Variants in FAM83A observed in about 807,000 individuals in gnomAD.
FAM83A encodes protein FAM83A.
In FAM83A, 21 loss-of-function variants were observed where a neutral mutation model predicts 24.4. The observed-to-expected ratio is 0.86, with a 90% CI of 0.61 to 1.24. The LOEUF is 1.24. Ranked by LOEUF, FAM83A falls within the 50% of genes most tolerant of loss-of-function variation. The probability of loss-of-function intolerance (pLI) is 0.00; values close to 1 mark genes in which losing one functional copy is unlikely to be tolerated. For synonymous variants in FAM83A, 270 were observed against 252.4 expected (o/e 1.07, Z -0.66); for missense variants, 617 against 579.8 (o/e 1.06, Z -0.66).
chr8:123,184,782 CCTCT>C (rs1462505878), intron 1 of FAM83A, among the ~76,000 whole-genome samples: 1 of 152,316 alleles, frequency 6.6e-6, no homozygotes, highest in Admixed American at 6.5e-5. Flanking sequence ...TCTGTAAAAT[CCTCT>C]CTGTCTCCCT....
chr8:123,191,938 G>A (rs746096118), exon 2 of FAM83A: 2 of 1,614,168 alleles, frequency 1.2e-6, no homozygotes, highest in Non-Finnish European at 1.7e-6. Flanking sequence ...GGAGATGTGT[G>A]ACAAAGTCCA....
At chr8:123,202,263 T>C (rs567603190) in intron 3 of FAM83A, 1 of 152,986 alleles carries the variant, frequency 6.5e-6, no homozygotes, top group East Asian at 1.9e-4. Flanking sequence ...GGAGCCACAC[T>C]GGCCGCTTCC....
chr8:123,198,195 A>T (rs554691232), intron 3 of FAM83A, among the ~76,000 whole-genome samples: 38 of 152,176 alleles, frequency 2.5e-4, no homozygotes, highest in Non-Finnish European at 4.1e-4. Flanking sequence ...GATGTTTTTT[A>T]AAAAAAGTCT....
At chr8:123,181,811 C>T, upstream of FAM83A, 1 of 317,938 alleles carries the variant, frequency 3.1e-6, no homozygotes, top group Non-Finnish European at 6.4e-6. Context: ...CTCTTCCCCA[C>T]TTCTCTCTGT....
chr8:123,191,793 C>A lies in FAM83A; in HGVS notation c.481-10C>A, dbSNP rs1823983384. ...CCTTTCTGGTAACTGAGCACTCTGCCCTGGCCCAGGTCCTGGTCATCCTGA... is the reference window on the plus strand; with the variant it reads ...CCTTTCTGGTAACTGAGCACTCTGCACTGGCCCAGGTCCTGGTCATCCTGA... On this transcript the variant is annotated splice_polypyrimidine_tract_variant and intron_variant, in intron 1 of 3. Coordinates refer to ENST00000690554, the Ensembl canonical transcript of FAM83A. The A allele has an allele frequency of 6.2e-7, 1 of 1,613,068 alleles. No homozygotes were observed. Among genetic ancestry groups the A allele is most frequent in the African/African-American group, 1.3e-5 (1 of 74,908 alleles).
Position 123,189,316 on chromosome 8 carries a change from G to A in FAM83A, c.481-2487G>A, listed in dbSNP as rs181956523. On this transcript the variant is annotated intron_variant, in intron 1 of 3. Coordinates refer to ENST00000690554, the Ensembl canonical transcript of FAM83A. ...CCACATCACAGAAAGTTGATTCCAA[G>A]TGGATACCAGCCATCAGTTTGGCCT... Among the ~76,000 whole-genome samples, 117 of 152,326 alleles carry A rather than the reference G, an allele frequency of 7.7e-4. 1 individual carries two copies. Among genetic ancestry groups the A allele is most frequent in the South Asian group, 1.9e-3 (9 of 4,826 alleles).
chr8:123,185,167 G>A (rs544938196), intron 1 of FAM83A, among the ~76,000 whole-genome samples: 12 of 152,290 alleles, frequency 7.9e-5, no homozygotes, highest in Non-Finnish European at 1.3e-4. Flanking sequence ...GTGGCCCGGC[G>A]CTGGCTGTAT....
chr8:123,181,376 C>T (rs1391430588), upstream of FAM83A, among the ~76,000 whole-genome samples: 1 of 152,176 alleles, frequency 6.6e-6, no homozygotes, highest in African/African-American at 2.4e-5. Flanking sequence ...ACATCAGGTT[C>T]TTACCATATC....
intron 1 of FAM83A, among the ~76,000 whole-genome samples, chr8:123,186,465 G>C (rs1461090389): frequency 6.6e-6 from 1 of 152,212 alleles, no homozygotes; most frequent in South Asian, 2.1e-4. Flanking sequence ...CCCAGCATGA[G>C]AGATGTTTCC....
At chr8:123,182,120 G>C (rs1211399973), upstream of FAM83A, 2 of 456,312 alleles carry the variant, frequency 4.4e-6, no homozygotes, top group Non-Finnish European at 4.4e-6. Flanking sequence ...CAGCGAGGAA[G>C]CGTTGGCCTG....
chr8:123,191,931 G>T (rs1222680917), exon 2 of FAM83A: 1 of 1,614,106 alleles, frequency 6.2e-7, no homozygotes, highest in South Asian at 1.1e-5. Flanking sequence ...TCTTCCAGGA[G>T]ATGTGTGACA....
At chr8:123,186,119 T>C (rs35611014) in intron 1 of FAM83A, among the ~76,000 whole-genome samples, 8,643 of 152,226 alleles carry the variant, frequency 0.057, 344 homozygotes, top group Admixed American at 0.12. Context: ...CAAACATAAA[T>C]AGCTATAATC....
intron 1 of FAM83A, 51 bp downstream of exon 1, chr8:123,183,387 G>A: frequency 6.4e-7 from 1 of 1,567,946 alleles, no homozygotes; most frequent in South Asian, 1.2e-5. Context: ...GGGAGGATCG[G>A]GGGCTGATAG....
intron 1 of FAM83A, among the ~76,000 whole-genome samples, chr8:123,186,781 G>A (rs1043566860): frequency 2.6e-5 from 4 of 152,224 alleles, no homozygotes; most frequent in Non-Finnish European, 5.9e-5. Flanking sequence ...AGTGAGCCAA[G>A]ATGGTGCCAC....
chr8:123,207,317 GCAGCCC>G, exon 4 of FAM83A: 1 of 1,611,746 alleles, frequency 6.2e-7, no homozygotes, highest in Non-Finnish European at 8.5e-7. Flanking sequence ...CCCGCCCGGA[GCAGCCC>G]CGGCCAATGG....
At chr8:123,182,627 T>C, upstream of FAM83A, 1 of 727,234 alleles carries the variant, frequency 1.4e-6, no homozygotes, top group Non-Finnish European at 2.4e-6. Context: ...GCAGGGCAGG[T>C]GGCCCTGAGA....
chr8:123,183,199 C>T (rs1823669515), exon 1 of FAM83A: 3 of 1,613,420 alleles, frequency 1.9e-6, no homozygotes, highest in East Asian at 4.5e-5. Context: ...GGGCAGCGAG[C>T]CGGCCCTACT....
chr8:123,195,041 G>A (rs988283539), intron 3 of FAM83A, among the ~76,000 whole-genome samples: 1 of 152,284 alleles, frequency 6.6e-6, no homozygotes, highest in African/African-American at 2.4e-5. Context: ...CGCTAGGGAA[G>A]TGGATTTGAT....
chr8:123,207,522 G>T, exon 4 of FAM83A: 3 of 1,570,316 alleles, frequency 1.9e-6, no homozygotes, highest in Non-Finnish European at 2.6e-6. Context: ...GGAGCCCCGA[G>T]TCCCCAGGCC....
Sources: allele counts gnomAD v4.1 joint callset (sites outside exome capture counted in the v4.1 genomes callset), GRCh38; gene constraint gnomAD v4.1.1; transcripts MANE v1.5; gene names NCBI Gene and HGNC (gene_info 2026-07-23, HGNC 2026-07-21).